The following DOCK10 variants were observed in gnomAD, a reference collection of about 807,000 sequenced individuals.
DOCK10 encodes the protein dedicator of cytokinesis protein 10.
In DOCK10, 145 loss-of-function variants were observed where a neutral mutation model predicts 280.1. The observed-to-expected ratio is 0.52, with a 90% CI of 0.45 to 0.59. DOCK10 has a LOEUF of 0.59. DOCK10 is among the 20% of genes least tolerant of loss of function. DOCK10 has a pLI of 0.00. For synonymous variants in DOCK10, 915 were observed against 942.2 expected (o/e 0.97, Z 0.53); for missense variants, 2,368 against 2,651.7 (o/e 0.89, Z 2.35).
At chr2:224,851,441 G>C (rs1696726932) in intron 18 of DOCK10, among the ~76,000 whole-genome samples, 1 of 135,130 alleles carries the variant, frequency 7.4e-6, no homozygotes, top group African/African-American at 3.0e-5. Flanking sequence ...AGTGGCTCAA[G>C]ACCTTCTTTT....
intron 2 of DOCK10, among the ~76,000 whole-genome samples, chr2:224,928,221 A>G (rs1655293223): frequency 1.3e-5 from 2 of 152,114 alleles, no homozygotes; most frequent in Non-Finnish European, 2.9e-5. Flanking sequence ...CCAAAAATGC[A>G]TGCAGTTGTA....
chr2:224,931,014 G>T (rs939750753), intron 2 of DOCK10, among the ~76,000 whole-genome samples: 5 of 152,154 alleles, frequency 3.3e-5, no homozygotes, highest in African/African-American at 1.2e-4. Context: ...GTGGTAGTGT[G>T]CATTGTCCTA....
At position 224,849,676 on chromosome 2, in the gene DOCK10, T is replaced by G. The variant is rs932227314; in HGVS notation, c.2143-77A>C. ...GGGTGAAAAAAAAGTCCATAACTCT[T>G]CAGTACCAACCCTGGGACAATGGCA... On this transcript the variant is annotated intron_variant, in intron 18 of 55. Coordinates refer to ENST00000258390, the MANE Select transcript of DOCK10 (RefSeq NM_014689.3). 16 of 1,025,972 alleles carry G rather than the reference T, an allele frequency of 1.6e-5. No individual in the cohort carries two copies. The African/African-American group carries it at 2.2e-4, about 14-fold the overall frequency. 63.6% of individuals were successfully genotyped at this position (1,025,972 alleles called of 1,614,324 possible). A position where few individuals can be genotyped will look rare whatever the true frequency, so the allele number is the denominator to read the frequency against.
chr2:224,944,170 TA>T (rs141723021), intron 1 of DOCK10, among the ~76,000 whole-genome samples: 2,551 of 152,222 alleles, frequency 0.017, 66 homozygotes, highest in African/African-American at 0.059. Flanking sequence ...AAAACCATGG[TA>T]TTTCTGAAAT....
chr2:225,035,554 AT>A (rs1379094863), intron 1 of DOCK10, among the ~76,000 whole-genome samples: 1 of 25,242 alleles, frequency 4.0e-5, no homozygotes, highest in African/African-American at 1.6e-4. Flanking sequence ...ATATATATAT[AT>A]ATATATATAT....
At chr2:224,832,392 C>T (rs1169898996) in intron 26 of DOCK10, among the ~76,000 whole-genome samples, 1 of 152,176 alleles carries the variant, frequency 6.6e-6, no homozygotes, top group Non-Finnish European at 1.5e-5. Context: ...TCACCATGTA[C>T]TTATCTGCTC....
chr2:225,012,108 G>C (rs1689456460), intron 1 of DOCK10, among the ~76,000 whole-genome samples: 1 of 152,108 alleles, frequency 6.6e-6, no homozygotes, highest in South Asian at 2.1e-4. Context: ...CACTCATTCA[G>C]AATTTGAAAT....
intron 19 of DOCK10, among the ~76,000 whole-genome samples, chr2:224,848,881 T>A (rs1168222267): frequency 6.6e-6 from 1 of 151,784 alleles, no homozygotes; most frequent in East Asian, 1.9e-4. Context: ...TCTTCACTAG[T>A]CAGTGAAATA....
At chr2:224,925,742 A>T (rs1702012874) in intron 2 of DOCK10, among the ~76,000 whole-genome samples, 1 of 152,144 alleles carries the variant, frequency 6.6e-6, no homozygotes, top group Admixed American at 6.5e-5. Flanking sequence ...GAACTTTCTT[A>T]TTTATGGTTT....
intron 18 of DOCK10, among the ~76,000 whole-genome samples, chr2:224,850,155 C>T (rs1418554603): frequency 6.6e-6 from 1 of 152,154 alleles, no homozygotes; most frequent in African/African-American, 2.4e-5. Flanking sequence ...TAAAGAAACC[C>T]ATAAAGGTAG....
At chr2:224,903,223 A>T (rs1221866253) in intron 3 of DOCK10, among the ~76,000 whole-genome samples, 1 of 152,270 alleles carries the variant, frequency 6.6e-6, no homozygotes, top group Non-Finnish European at 1.5e-5. Flanking sequence ...CAGTTTCAGA[A>T]ATCACAGCAC....
intron 1 of DOCK10, among the ~76,000 whole-genome samples, chr2:225,035,591 ACTGAATCAGTGT>A (rs1193368400): frequency 1.2e-5 from 1 of 82,804 alleles, no homozygotes; most frequent in African/African-American, 4.7e-5. Flanking sequence ...TATATATAAC[ACTGAATCAGTGT>A]TAATTGTGTG....
In DOCK10 at chr2:224,999,084, G is replaced by A. The variant is rs141319876; in HGVS notation, c.123+43168C>T. On this transcript the variant is annotated intron_variant, in intron 1 of 55. Transcript: ENST00000258390. ...CACCTGTAGTCCCAGCTACTCAGGA[G>A]GCTGAGGCAGGAGAATCTCTTGAAC... is the stretch of plus-strand genomic sequence containing the variant. 4.1e-3 allele frequency among the ~76,000 whole-genome samples: 623 copies of A among 152,264 alleles called. 13 individuals carry two copies. In the South Asian group the frequency reaches 0.058, roughly 14 times the overall value.
chr2:225,016,654 T>TACATATATCTATGTGC lies in DOCK10; in HGVS notation c.123+25597_123+25598insGCACATAGATATATGT, dbSNP rs753535045. The stretch of plus-strand genomic sequence containing the variant: ...ATACATATATCTATGTGCACATAGA[T>TACATATATCTATGTGC]ACATAGATACATATATCTATGTGCA... On this transcript the variant is annotated intron_variant, in intron 1 of 55. Transcript: ENST00000258390. Among the ~76,000 whole-genome samples, 11 of 6,278 alleles carry TACATATATCTATGTGC rather than the reference T, an allele frequency of 1.8e-3. 1 individual carries two copies. Among genetic ancestry groups the TACATATATCTATGTGC allele is most frequent in the African/African-American group, 6.9e-3 (10 of 1,442 alleles). The allele number at this position is 6,278 out of a possible 152,430, so 4.1% of individuals were successfully genotyped here. A position where few individuals can be genotyped will look rare whatever the true frequency, so the allele number is the denominator to read the frequency against.
At chr2:225,024,074 G>A (rs1460159421) in intron 1 of DOCK10, among the ~76,000 whole-genome samples, 1 of 152,194 alleles carries the variant, frequency 6.6e-6, no homozygotes, top group Non-Finnish European at 1.5e-5. Flanking sequence ...ATCCAACCAT[G>A]AGGATGTAAA....
intron 3 of DOCK10, among the ~76,000 whole-genome samples, chr2:224,902,136 T>A (rs1700335269): frequency 1.3e-5 from 2 of 152,226 alleles, no homozygotes; most frequent in Non-Finnish European, 1.5e-5. Context: ...CTGCTCCAGA[T>A]AATCATTAGA....
intron 3 of DOCK10, among the ~76,000 whole-genome samples, chr2:224,900,300 C>G (rs1248876055): frequency 1.3e-5 from 2 of 151,662 alleles, no homozygotes; most frequent in South Asian, 4.2e-4. Flanking sequence ...ACAAAACTTT[C>G]TTTTTTTAAA....
At chr2:224,921,112 A>AAATAT in intron 2 of DOCK10, among the ~76,000 whole-genome samples, 4 of 54,430 alleles carry the variant, frequency 7.3e-5, no homozygotes, top group African/African-American at 6.3e-4. Flanking sequence ...AAAAAAAAAA[A>AAATAT]ATATATATAT....
intron 1 of DOCK10, among the ~76,000 whole-genome samples, chr2:224,987,536 C>A (rs1432245112): frequency 2.0e-5 from 3 of 152,154 alleles, no homozygotes; most frequent in African/African-American, 7.2e-5. Context: ...TGGAACCCCT[C>A]ACTATTTTGG....
Sources: allele counts gnomAD v4.1 joint callset (sites outside exome capture counted in the v4.1 genomes callset), GRCh38; gene constraint gnomAD v4.1.1; transcripts MANE v1.5; gene names NCBI Gene and HGNC (gene_info 2026-07-23, HGNC 2026-07-21).